ACKR3: variants seen among roughly 807,000 people sequenced by gnomAD.
ACKR3 encodes the protein atypical chemokine receptor 3.
A neutral mutation model predicts 22.4 loss-of-function variants in ACKR3; 6 were observed. The ratio of observed to expected loss-of-function variants is 0.27; its 90% CI spans 0.15 to 0.53. The LOEUF (loss-of-function observed/expected upper bound fraction) is 0.53, where lower values mean the gene tolerates loss of function less well. Among genes scored for constraint, ACKR3 ranks in the 20% least tolerant of loss-of-function variants. The pLI, the probability that ACKR3 is intolerant of heterozygous loss-of-function variation, is 0.96. For synonymous variants in ACKR3, 209 were observed against 205.2 expected, an observed-to-expected ratio of 1.02 and a Z score of -0.16; for missense variants, 396 against 475.2, an observed-to-expected ratio of 0.83 and a Z score of 1.55.
chr2:236,575,897 A>G (rs1045456262), intron 1 of ACKR3, among the ~76,000 whole-genome samples: 2 of 152,226 alleles, frequency 1.3e-5, no homozygotes, highest in Non-Finnish European at 2.9e-5. Context: ...TCTTGTGTAC[A>G]TTTGGAGACA....
chr2:236,559,877 T>G, the ACKR3 span, among the ~76,000 whole-genome samples: 17 of 152,366 alleles, frequency 1.1e-4, no homozygotes, highest in African/African-American at 3.8e-4. Flanking sequence ...CTCTATTTTG[T>G]TTCCTTGCTC....
Position 236,577,943 on chromosome 2 carries a change from C to T in ACKR3, c.-26-2497C>T, listed in dbSNP as rs1691446084. ...TGTGGGGCGGTCCTCCATTCAAGCT[C>T]CTCTGCTCCCCGGGACTCTGGGGTC... On this transcript the variant is annotated intron_variant, in intron 1 of 1. Transcript: ENST00000272928. This position sits in a 1 kb window ranked among gnomAD's most constrained non-coding sequence, Gnocchi z 5.6. 6.6e-6 allele frequency among the ~76,000 whole-genome samples: 1 copy of T among 152,216 alleles called. No individual in the cohort carries two copies. Among genetic ancestry groups the T allele is most frequent in the Non-Finnish European group, 1.5e-5 (1 of 68,036 alleles).
chr2:236,549,483 A>T, the ACKR3 span, among the ~76,000 whole-genome samples: 3 of 152,234 alleles, frequency 2.0e-5, no homozygotes, highest in South Asian at 6.2e-4. This position sits in a 1 kb window ranked among gnomAD's most constrained non-coding sequence, Gnocchi z 5.3. Flanking sequence ...TCTCTCTGAA[A>T]GATTAGTCTT....
the ACKR3 span, among the ~76,000 whole-genome samples, chr2:236,544,213 C>T: frequency 6.6e-6 from 1 of 151,774 alleles, no homozygotes; most frequent in South Asian, 2.1e-4. This position sits in a 1 kb window ranked among gnomAD's most constrained non-coding sequence, Gnocchi z 5.0. Context: ...TGGTCTCGAA[C>T]TCTTGACCTT....
intron 1 of ACKR3, among the ~76,000 whole-genome samples, chr2:236,570,967 T>C (rs574452473): frequency 6.6e-6 from 1 of 152,374 alleles, no homozygotes; most frequent in South Asian, 2.1e-4. Context: ...TGACATCCCC[T>C]GAAACTTCAG....
upstream of ACKR3, among the ~76,000 whole-genome samples, chr2:236,563,556 G>T (rs1691117784): frequency 6.6e-6 from 1 of 152,158 alleles, no homozygotes; most frequent in East Asian, 1.9e-4. Context: ...TAAGGAGGTG[G>T]CCACATAACA....
chr2:236,566,971 T>TTTCCTTCCTTCCTACCTTCC (rs1691198634), upstream of ACKR3, among the ~76,000 whole-genome samples: 1 of 145,986 alleles, frequency 6.8e-6, no homozygotes, highest in Non-Finnish European at 1.5e-5. Flanking sequence ...TCCTTCCTTC[T>TTTCCTTCCTTCCTACCTTCC]TTCCTTCCTT....
chr2:236,545,867 T>G, the ACKR3 span, among the ~76,000 whole-genome samples: 6 of 152,228 alleles, frequency 3.9e-5, no homozygotes, highest in Non-Finnish European at 8.8e-5. This position sits in a 1 kb window ranked among gnomAD's most constrained non-coding sequence, Gnocchi z 5.3. Context: ...GTATCATTGT[T>G]GAATTTCACA....
At chr2:236,580,335 G>T (rs1019954868) in intron 1 of ACKR3, 105 bp from the exon 2 acceptor site, 2 of 1,207,062 alleles carry the variant, frequency 1.7e-6, no homozygotes, top group Non-Finnish European at 2.3e-6. Flanking sequence ...CCAAACAGCT[G>T]AGCCTATCAG....
the ACKR3 span, among the ~76,000 whole-genome samples, chr2:236,550,780 T>C: frequency 7.2e-5 from 11 of 152,092 alleles, no homozygotes; most frequent in African/African-American, 2.2e-4. The surrounding 1 kb of genome is among the most constrained non-coding windows in gnomAD (Gnocchi z 4.6). Context: ...AAAGTCAAAG[T>C]CTCCATTAAC....
At chr2:236,541,816 G>A in the ACKR3 span, among the ~76,000 whole-genome samples, 3 of 152,106 alleles carry the variant, frequency 2.0e-5, no homozygotes, top group Non-Finnish European at 4.4e-5. Context: ...AAGATCTGAT[G>A]GTTTTATAAA....
Position 236,574,958 on chromosome 2 carries a change from C to T in ACKR3, c.-27+5034C>T, listed in dbSNP as rs1330355962. Among the ~76,000 whole-genome samples the T allele has an allele frequency of 2.6e-5, 4 of 152,092 alleles. No homozygotes were observed. Among genetic ancestry groups the T allele is most frequent in the East Asian group, 3.9e-4 (2 of 5,190 alleles). ...ACAGGTGCTTGCCCACCGCCGGCCA[C>T]GGGAAAGTTCTCTCCCTGTCACTGC... is the stretch of plus-strand genomic sequence containing the variant. On this transcript the variant is annotated intron_variant, in intron 1 of 1. Transcript: ENST00000272928. This position sits in a 1 kb window ranked among gnomAD's most constrained non-coding sequence, Gnocchi z 5.6.
chr2:236,572,370 C>G (rs901277922), intron 1 of ACKR3, among the ~76,000 whole-genome samples: 5 of 152,192 alleles, frequency 3.3e-5, no homozygotes, highest in Non-Finnish European at 5.9e-5. Flanking sequence ...GAGACTATCT[C>G]AGGTGGCCTT....
intron 1 of ACKR3, among the ~76,000 whole-genome samples, chr2:236,572,530 A>C (rs1691330855): frequency 6.6e-6 from 1 of 152,212 alleles, no homozygotes; most frequent in South Asian, 2.1e-4. Context: ...GTATATGCAG[A>C]GCCTAAGTTT....
At chr2:236,546,858 T>C in the ACKR3 span, among the ~76,000 whole-genome samples, 2 of 152,232 alleles carry the variant, frequency 1.3e-5, no homozygotes, top group African/African-American at 4.8e-5. This position sits in a 1 kb window ranked among gnomAD's most constrained non-coding sequence, Gnocchi z 4.9. Flanking sequence ...AGTGAAAGCA[T>C]GTTCTCACTA....
At chr2:236,549,501 C>T in the ACKR3 span, among the ~76,000 whole-genome samples, 1 of 152,206 alleles carries the variant, frequency 6.6e-6, no homozygotes, top group Non-Finnish European at 1.5e-5. This position sits in a 1 kb window ranked among gnomAD's most constrained non-coding sequence, Gnocchi z 5.3. Flanking sequence ...CTTCATGAGG[C>T]CTCTTGACTA....
chr2:236,548,415 A>G, the ACKR3 span, among the ~76,000 whole-genome samples: 1 of 152,170 alleles, frequency 6.6e-6, no homozygotes, highest in Non-Finnish European at 1.5e-5. This position sits in a 1 kb window ranked among gnomAD's most constrained non-coding sequence, Gnocchi z 4.3. Flanking sequence ...TCAGGCCCTA[A>G]ACCCACATAA....
At chr2:236,579,562 C>T (rs1052923827) in intron 1 of ACKR3, among the ~76,000 whole-genome samples, 1 of 152,174 alleles carries the variant, frequency 6.6e-6, no homozygotes, top group African/African-American at 2.4e-5. Flanking sequence ...GTGTTGGTCT[C>T]ACCTCAGGTC....
At chr2:236,563,754 C>T (rs73129895), upstream of ACKR3, among the ~76,000 whole-genome samples, 1 of 152,142 alleles carries the variant, frequency 6.6e-6, no homozygotes, top group Non-Finnish European at 1.5e-5. Context: ...TTCTGATGTG[C>T]CTCCCCTCCA....
Sources: allele counts gnomAD v4.1 joint callset (sites outside exome capture counted in the v4.1 genomes callset), GRCh38; gene constraint gnomAD v4.1.1; non-coding constraint Gnocchi (gnomAD v3.1); transcripts MANE v1.5; gene names NCBI Gene and HGNC (gene_info 2026-07-23, HGNC 2026-07-21).